Variants in PCDHGB3 observed in about 807,000 individuals in gnomAD.
PCDHGB3 encodes protocadherin gamma-B3.
PCDHGB3 carries 40 observed loss-of-function variants against 59.2 expected under a neutral mutation model. That is an observed-to-expected ratio of 0.68 (90% CI 0.52 to 0.88). The LOEUF is 0.88. Among genes scored for constraint, PCDHGB3 ranks in the 40% least tolerant of loss-of-function variants. PCDHGB3 has a pLI of 0.00. For missense variants in PCDHGB3, 1,309 were observed against 1,187.9 expected, an observed-to-expected ratio of 1.10 and a Z score of -1.50; for synonymous variants, 581 against 503.6, an observed-to-expected ratio of 1.15 and a Z score of -2.06.
At position 141,485,880 on chromosome 5, in the gene PCDHGB3, A is replaced by G; in HGVS notation, c.2416-8927A>G. 1 of 1,614,124 alleles carries G rather than the reference A, an allele frequency of 6.2e-7. No individual in the cohort carries two copies. Among genetic ancestry groups the G allele is most frequent in the Non-Finnish European group, 8.5e-7 (1 of 1,180,026 alleles). On this transcript the variant is annotated intron_variant, in intron 1 of 3. Transcript: ENST00000576222. The surrounding 1 kb of genome is among the most constrained non-coding windows in gnomAD (Gnocchi z 5.7). ...CTCCGGGTATCCGTGCTGGACGTAA[A>G]CGACAACGCCCCAGCCTTCCAGCAA... is the stretch of plus-strand genomic sequence containing the variant.
intron 1 of PCDHGB3, chr5:141,478,633 T>C: frequency 6.4e-7 from 1 of 1,553,032 alleles, no homozygotes; most frequent in Non-Finnish European, 8.7e-7. Context: ...GTTTTTTTAG[T>C]GATGAAGATG....
intron 3 of PCDHGB3, among the ~76,000 whole-genome samples, chr5:141,508,533 C>A (rs1396219805): frequency 6.6e-6 from 1 of 152,160 alleles, no homozygotes; most frequent in Non-Finnish European, 1.5e-5. Flanking sequence ...CAGGGCACCC[C>A]CCACGAGGTG....
intron 1 of PCDHGB3, chr5:141,423,613 GA>G (rs1164845631): frequency 1.9e-6 from 3 of 1,610,782 alleles, no homozygotes; most frequent in Admixed American, 1.7e-5. Context: ...CTTGATAGCT[GA>G]AGACTCAGCT....
intron 1 of PCDHGB3, among the ~76,000 whole-genome samples, chr5:141,452,199 G>T (rs2098736057): frequency 1.3e-5 from 2 of 151,778 alleles, no homozygotes; most frequent in African/African-American, 4.8e-5. Flanking sequence ...AATTGTTTTA[G>T]ATGTTACCAA....
intron 1 of PCDHGB3, chr5:141,427,247 T>C (rs1409945260): frequency 2.2e-6 from 1 of 456,582 alleles, no homozygotes; most frequent in Non-Finnish European, 4.4e-6. Context: ...AAGCTAAGGA[T>C]GGTGGAGGCA....
At chr5:141,403,058 C>A in intron 1 of PCDHGB3, 1 of 1,614,060 alleles carries the variant, frequency 6.2e-7, no homozygotes, top group Non-Finnish European at 8.5e-7. Context: ...CTACTCAGTG[C>A]CTGAAGAGAC....
At chr5:141,383,610 C>A (rs372785458) in intron 1 of PCDHGB3, 15 of 1,613,700 alleles carry the variant, frequency 9.3e-6, no homozygotes, top group Non-Finnish European at 1.3e-5. Flanking sequence ...ATGTGAATGA[C>A]CACACGCCTG....
At chr5:141,451,151 A>AT (rs1324071351) in intron 1 of PCDHGB3, among the ~76,000 whole-genome samples, 2 of 152,190 alleles carry the variant, frequency 1.3e-5, no homozygotes, top group Admixed American at 6.5e-5. Context: ...TAGACTAGAC[A>AT]TTTTTTTGGT....
At position 141,491,623 on chromosome 5, in the gene PCDHGB3, G is replaced by A. The variant is rs767724749; in HGVS notation, c.2416-3184G>A. The A allele has an allele frequency of 3.7e-6, 6 of 1,613,812 alleles. No homozygotes were observed. The highest frequency in any genetic ancestry group is 2.7e-5 in the African/African-American group (2 of 74,938). On this transcript the variant is annotated intron_variant, in intron 1 of 3. Transcript: ENST00000576222. This position sits in a 1 kb window ranked among gnomAD's most constrained non-coding sequence, Gnocchi z 6.9. ...CTTCACTTTTCTAAGACCCCTCAGC[G>A]TTCAGCAGCCCACAGCTCTGGCGCT...
At chr5:141,453,490 G>T (rs921556476) in intron 1 of PCDHGB3, among the ~76,000 whole-genome samples, 3 of 151,922 alleles carry the variant, frequency 2.0e-5, no homozygotes, top group African/African-American at 7.3e-5. Context: ...TTAAAAAAAG[G>T]TGTACTCAGA....
chr5:141,413,668 G>T lies in PCDHGB3; in HGVS notation c.2415+40859G>T, dbSNP rs1286766786. ...TCCTCTCCCGGAAGCTATTGATCCG[G>T]ATGTGGGCGTGAACTCCCTGCAGAG... is the stretch of plus-strand genomic sequence containing the variant. On this transcript the variant is annotated intron_variant, in intron 1 of 3. Transcript: ENST00000576222. 6 of 1,613,754 alleles carry T rather than the reference G, an allele frequency of 3.7e-6. No homozygotes were observed. The Admixed American group carries it at 8.3e-5, about 22-fold the overall frequency.
chr5:141,427,654 T>C (rs2097054872), intron 1 of PCDHGB3: 3 of 727,622 alleles, frequency 4.1e-6, no homozygotes, highest in Non-Finnish European at 7.4e-6. Context: ...TCCTACGTGG[T>C]CCACGTGGCC....
At chr5:141,456,700 C>T (rs1420857227) in intron 1 of PCDHGB3, among the ~76,000 whole-genome samples, 1 of 152,060 alleles carries the variant, frequency 6.6e-6, no homozygotes, top group Admixed American at 6.6e-5. Flanking sequence ...CGTGGTGGCT[C>T]GCGCCTGTAA....
At chr5:141,376,944 C>T (rs1773563928) in intron 1 of PCDHGB3, 1 of 167,020 alleles carries the variant, frequency 6.0e-6, no homozygotes, top group Non-Finnish European at 1.3e-5. Context: ...GCCTCGGCCT[C>T]CCAAAGTGCT....
chr5:141,495,005 C>T (rs555909709), intron 2 of PCDHGB3, 140 bp downstream of exon 2: 1,141 of 1,522,692 alleles, frequency 7.5e-4, no homozygotes, highest in Non-Finnish European at 8.4e-4. Context: ...TCTTGGTGTG[C>T]GGGGGGCTGG....
rs762866893 is a variant in PCDHGB3 at position 141,389,080 on chromosome 5, C to G, written c.2415+16271C>G. ...AAAATATTAACTTCTTCAAGAAACA[C>G]GTATAAATTAGTGACAGATGCTGTT... On this transcript the variant is annotated intron_variant, in intron 1 of 3. Transcript: ENST00000576222. 7 of 1,613,984 alleles carry G rather than the reference C, an allele frequency of 4.3e-6. No individual in the cohort carries two copies. The South Asian group carries it at 5.5e-5, about 13-fold the overall frequency.
At position 141,409,757 on chromosome 5, in the gene PCDHGB3, G is replaced by A; in HGVS notation, c.2415+36948G>A. The A allele has an allele frequency of 6.8e-6, 11 of 1,612,986 alleles. No individual in the cohort carries two copies. The highest frequency in any genetic ancestry group is 9.3e-6 in the Non-Finnish European group (11 of 1,179,838). ...GAGCGGGGTGGTGTTCGCGCAGCGCGCCTTTGATCACGAGCAGCTGCGCGC... is the reference window on the plus strand; with the variant it reads ...GAGCGGGGTGGTGTTCGCGCAGCGCACCTTTGATCACGAGCAGCTGCGCGC... On this transcript the variant is annotated intron_variant, in intron 1 of 3. Coordinates refer to ENST00000576222, the MANE Select transcript of PCDHGB3 (RefSeq NM_018924.5).
intron 1 of PCDHGB3, chr5:141,409,913 G>A: frequency 6.2e-7 from 1 of 1,613,334 alleles, no homozygotes; most frequent in South Asian, 1.1e-5. Flanking sequence ...GGGTCCTGAC[G>A]GCTCCGCGTT....
At chr5:141,423,631 T>G (rs1452661307) in intron 1 of PCDHGB3, 2 of 1,603,990 alleles carry the variant, frequency 1.2e-6, no homozygotes, top group African/African-American at 2.7e-5. Flanking sequence ...AGCTATCATT[T>G]TAGGCAAATG....
Sources: gnomAD v4.1 joint callset for allele counts (sites outside exome capture counted in the v4.1 genomes callset) on GRCh38, gnomAD v4.1.1 for gene constraint, Gnocchi (gnomAD v3.1) non-coding constraint, MANE v1.5 for transcripts, NCBI Gene and HGNC (gene_info 2026-07-23, HGNC 2026-07-21) for gene names.